CPS1: variants seen among roughly 807,000 people sequenced by gnomAD.
CPS1 encodes the protein carbamoyl-phosphate synthase 1.
Under a neutral mutation model 174.6 loss-of-function variants are expected in CPS1, and 109 were observed. That is an observed-to-expected ratio of 0.62 (90% confidence interval 0.53 to 0.73). The LOEUF is 0.73. CPS1 is among the 30% of genes least tolerant of loss of function. The pLI, the probability that CPS1 is intolerant of heterozygous loss-of-function variation, is 0.00. For synonymous variants in CPS1, 637 were observed against 632.0 expected (o/e 1.01, Z -0.12); for missense variants, 1,689 against 1,821.9 (o/e 0.93, Z 1.33).
intron 26 of CPS1, 147 bp from the exon 27 acceptor site, chr2:210,648,326 T>A: frequency 1.4e-6 from 1 of 722,198 alleles, no homozygotes; most frequent in Non-Finnish European, 2.3e-6. Context: ...GCTAGGAATT[T>A]TATGTATTTC....
rs1320168288 is a variant in CPS1 at position 210,654,972 on chromosome 2, A to G, written c.3558+870A>G. Among the ~76,000 whole-genome samples the G allele has an allele frequency of 5.9e-5, 9 of 152,312 alleles. No homozygotes were observed. The East Asian group carries it at 1.7e-3, about 29-fold the overall frequency. The stretch of plus-strand genomic sequence containing the variant: ...ATTCCAGCCCTCCACCCTCCAAGTC[A>G]GATATTTTCTTTACAGCATCCCTGG... On this transcript the variant is annotated intron_variant, in intron 29 of 37. Transcript: ENST00000233072.
chr2:210,513,641 G>A (rs1695593604), intron 1 of CPS1, among the ~76,000 whole-genome samples: 1 of 151,936 alleles, frequency 6.6e-6, no homozygotes, highest in Non-Finnish European at 1.5e-5. Flanking sequence ...TCTGTAGGTT[G>A]TCTGTGTACT....
chr2:210,592,905 C>T lies in CPS1; in HGVS notation c.1113C>T (p.Phe371=). 1 of 1,612,484 alleles carries T rather than the reference C, an allele frequency of 6.2e-7. No individual in the cohort carries two copies. The highest frequency in any genetic ancestry group is 8.5e-7 in the Non-Finnish European group (1 of 1,179,008). The change falls in exon 11 of 38, where the codon TTC becomes TTT. Residue 371 remains phenylalanine (F), a synonymous_variant. Coordinates refer to ENST00000233072, the MANE Select transcript of CPS1 (RefSeq NM_001875.5). The part of the protein sequence containing the change: ...NEGIMHESKP[F]FAVQFHPEVT... ...GGATTATGCATGAGAGCAAACCCTT[C>T]TTCGCTGTGCAGTTCCACCCAGAGG...
intron 1 of CPS1, among the ~76,000 whole-genome samples, chr2:210,518,717 ATT>A (rs939029876): frequency 6.6e-6 from 1 of 151,338 alleles, no homozygotes; most frequent in South Asian, 2.1e-4. Context: ...AGCTTCGGCT[ATT>A]TTTTTTTCTG....
intron 1 of CPS1, among the ~76,000 whole-genome samples, chr2:210,568,816 T>C (rs1353900527): frequency 6.6e-6 from 1 of 152,030 alleles, no homozygotes; most frequent in Non-Finnish European, 1.5e-5. Context: ...GTTCCACCAA[T>C]AATAAAACAA....
intron 1 of CPS1, among the ~76,000 whole-genome samples, chr2:210,503,029 C>T (rs758293231): frequency 2.0e-5 from 3 of 152,194 alleles, no homozygotes; most frequent in African/African-American, 4.8e-5. Flanking sequence ...ATATGGTTCT[C>T]TTGTGCAGGC....
At chr2:210,515,683 T>G (rs1382681006) in intron 1 of CPS1, among the ~76,000 whole-genome samples, 1 of 151,866 alleles carries the variant, frequency 6.6e-6, no homozygotes, top group Admixed American at 6.6e-5. Context: ...TTGTATAGAT[T>G]TTTGTGTCTC....
At chr2:210,625,983 G>C (rs983595974) in intron 21 of CPS1, among the ~76,000 whole-genome samples, 4 of 152,100 alleles carry the variant, frequency 2.6e-5, no homozygotes, top group African/African-American at 9.7e-5. Flanking sequence ...ACGCCACACA[G>C]TCTTACTTCA....
At position 210,671,412 on chromosome 2, in the gene CPS1, T is replaced by C. The variant is rs571806831; in HGVS notation, c.4101+3128T>C. Among the ~76,000 whole-genome samples the C allele has an allele frequency of 6.6e-5, 10 of 152,322 alleles. No homozygotes were observed. In the South Asian group the frequency reaches 2.1e-3, roughly 32 times the overall value. On this transcript the variant is annotated intron_variant, in intron 34 of 37. Transcript: ENST00000233072. Reference sequence around the variant, plus strand: ...ATCACATAGTATTAACTTGGCTTTCTTTTCTGTAGCCAGGAGTTGGATAAA... The same window carrying C: ...ATCACATAGTATTAACTTGGCTTTCCTTTCTGTAGCCAGGAGTTGGATAAA...
rs2302910 is a variant in CPS1, at chr2:210,590,618, T to C, written c.841-182T>C. 0.61 allele frequency among the ~76,000 whole-genome samples: 92,495 copies of C among 151,900 alleles called. 28,576 individuals are homozygous for C. Among genetic ancestry groups the C allele is most frequent in the African/African-American group, 0.71 (29,271 of 41,458 alleles). ...GATTTAGTTTAGTTTGAATGTAAAGTACATCTTAATGAATTATAATGCTAC... is the reference window on the plus strand; with the variant it reads ...GATTTAGTTTAGTTTGAATGTAAAGCACATCTTAATGAATTATAATGCTAC... On this transcript the variant is annotated intron_variant, in intron 8 of 37. Coordinates refer to ENST00000233072, the MANE Select transcript of CPS1 (RefSeq NM_001875.5).
At chr2:210,511,075 T>C (rs1481358682) in intron 1 of CPS1, among the ~76,000 whole-genome samples, 2 of 152,150 alleles carry the variant, frequency 1.3e-5, no homozygotes, top group East Asian at 3.9e-4. Context: ...TAAAGACACA[T>C]GCACACGTAT....
intron 1 of CPS1, among the ~76,000 whole-genome samples, chr2:210,521,182 A>G (rs1466000294): frequency 6.6e-6 from 1 of 152,002 alleles, no homozygotes; most frequent in Admixed American, 6.6e-5. Context: ...TACAACTTGC[A>G]TTTCTCTAAT....
In CPS1 at chr2:210,556,782, G is replaced by A. The variant is rs868808195; in HGVS notation, c.49G>A (p.Gly17Ser). 6.2e-6 allele frequency: 10 copies of A among 1,613,120 alleles called. No homozygotes were observed. The highest frequency in any genetic ancestry group is 3.3e-4 in the Middle Eastern group (2 of 6,058). Residue 17 changes from glycine (G) to serine (S), a missense_variant, in exon 1 of 38, where the codon GGT becomes AGT. Gly to Ser is a moderately conservative substitution (Grantham distance 56). Transcript: ENST00000233072. ...CAAAGTGGTGAGGACACTGAAGACT[G>A]GTTTTGGCTTTACCAATGTGACTGC... is the stretch of plus-strand genomic sequence containing the variant. ...AFKVVRTLKTGFGFTNVTAHQ... is the reference protein window; with the variant it reads ...AFKVVRTLKTSFGFTNVTAHQ...
rs1189237692 is a variant in CPS1, at chr2:210,678,976, C to T, written c.*991C>T. 6.6e-6 allele frequency: 1 copy of T among 152,176 alleles called. No homozygotes were observed. The highest frequency in any genetic ancestry group is 1.5e-5 in the Non-Finnish European group (1 of 68,032). 9.4% of individuals were successfully genotyped at this position (152,176 alleles called of 1,614,324 possible). ...CTATTAATTCCACCCACTGTAAGGG[C>T]AAGGACACCATTCCTTCTACATATA... On this transcript the variant is annotated 3_prime_UTR_variant, in exon 38 of 38. Transcript: ENST00000233072.
At chr2:210,554,889 C>A (rs1696858493), upstream of CPS1, among the ~76,000 whole-genome samples, 1 of 149,798 alleles carries the variant, frequency 6.7e-6, no homozygotes, top group Non-Finnish European at 1.5e-5. Context: ...GAGGTGAGAT[C>A]AAGGCGTAAA....
chr2:210,588,713 A>G (rs1698189578), intron 7 of CPS1, among the ~76,000 whole-genome samples: 1 of 152,050 alleles, frequency 6.6e-6, no homozygotes, highest in Admixed American at 6.6e-5. Context: ...GTCTCTGTCT[A>G]CACATCTCCC....
chr2:210,491,407 C>T (rs959915456), intron 1 of CPS1, among the ~76,000 whole-genome samples: 11 of 135,984 alleles, frequency 8.1e-5, no homozygotes, highest in Admixed American at 3.5e-4. Context: ...CTCCACCTCC[C>T]GGTTCAAGTG....
At chr2:210,677,768 G>A in intron 37 of CPS1, 119 bp from the exon 38 acceptor site, 3 of 838,616 alleles carry the variant, frequency 3.6e-6, no homozygotes, top group Non-Finnish European at 6.3e-6. Flanking sequence ...AAACTTTTAT[G>A]CCTTTTATCC....
intron 1 of CPS1, among the ~76,000 whole-genome samples, chr2:210,482,353 C>G (rs1694593086): frequency 1.3e-5 from 2 of 151,230 alleles, no homozygotes; most frequent in Non-Finnish European, 2.9e-5. Flanking sequence ...GTCTCCCAGG[C>G]TGGAGTGCAA....
Sources: gnomAD v4.1 joint callset for allele counts (sites outside exome capture counted in the v4.1 genomes callset) on GRCh38, gnomAD v4.1.1 for gene constraint, MANE v1.5 for transcripts, NCBI Gene and HGNC (gene_info 2026-07-23, HGNC 2026-07-21) for gene names.